The following POLR2B variants were observed in gnomAD, a reference collection of about 807,000 sequenced individuals.
POLR2B encodes RNA polymerase II subunit B.
A neutral mutation model predicts 144.6 loss-of-function variants in POLR2B; 57 were observed. The ratio of observed to expected loss-of-function variants is 0.39; its 90% confidence interval spans 0.32 to 0.49. POLR2B has a LOEUF of 0.49. POLR2B is among the 20% of genes least tolerant of loss of function. The probability of loss-of-function intolerance (pLI) is 0.83; values close to 1 mark genes in which losing one functional copy is unlikely to be tolerated. For synonymous variants in POLR2B, 442 were observed against 469.8 expected (o/e 0.94, Z 0.77); for missense variants, 595 against 1,467.4 (o/e 0.41, Z 9.71).
chr4:57,013,830 G>A (rs1723278543), intron 13 of POLR2B, among the ~76,000 whole-genome samples: 1 of 151,956 alleles, frequency 6.6e-6, no homozygotes, highest in African/African-American at 2.4e-5. Flanking sequence ...TAGAGTGGTC[G>A]GGTGTGGTGG....
intron 14 of POLR2B, among the ~76,000 whole-genome samples, chr4:57,016,746 A>T (rs940313753): frequency 1.3e-5 from 2 of 150,070 alleles, no homozygotes; most frequent in Admixed American, 6.7e-5. Flanking sequence ...TGATAAATTT[A>T]AAAAATTGCC....
intron 14 of POLR2B, among the ~76,000 whole-genome samples, chr4:57,016,426 C>T (rs1487398294): frequency 1.3e-5 from 2 of 151,656 alleles, no homozygotes; most frequent in African/African-American, 4.8e-5. Flanking sequence ...AATGCACCTG[C>T]AGTCCAGCTA....
chr4:56,986,212 A>G (rs772502965), intron 1 of POLR2B, 142 bp from the exon 2 acceptor site: 2 of 739,304 alleles, frequency 2.7e-6, no homozygotes, highest in Admixed American at 3.6e-5. Flanking sequence ...TATTAATGTA[A>G]TTGAAATTTT....
rs185358178 is a variant in POLR2B, at chr4:56,986,039, C to G, written c.20-315C>G. Among the ~76,000 whole-genome samples the G allele has an allele frequency of 2.6e-5, 4 of 152,334 alleles. No individual in the cohort carries two copies. The East Asian group carries it at 7.7e-4, about 29-fold the overall frequency. On this transcript the variant is annotated intron_variant, in intron 1 of 24. Transcript: ENST00000314595. ...GTATTGCCCAGTTGTTGGAATCCTT[C>G]CATGGCTCTGCCCCCTTACCCTGTT... is the stretch of plus-strand genomic sequence containing the variant.
chr4:57,029,310 A>C (rs1042204286), intron 23 of POLR2B, among the ~76,000 whole-genome samples: 18 of 152,150 alleles, frequency 1.2e-4, no homozygotes, highest in African/African-American at 4.3e-4. Context: ...CTACTTCTAA[A>C]ACTTTGTTTC....
Position 57,030,386 on chromosome 4 carries a change from G to T in POLR2B, c.3422G>T (p.Arg1141Leu), listed in dbSNP as rs1393017567. The T allele has an allele frequency of 1.2e-6, 2 of 1,609,968 alleles. No individual in the cohort carries two copies. Among genetic ancestry groups the T allele is most frequent in the East Asian group, 2.2e-5 (1 of 44,806 alleles). ...RTHTYECRGC[R>L]NKTQISLVRM... Reference sequence around the variant, plus strand: ...CATACATATGAATGCAGGGGCTGCCGCAATAAAACCCAGGTGTGTATAGAC... The same window carrying T: ...CATACATATGAATGCAGGGGCTGCCTCAATAAAACCCAGGTGTGTATAGAC... Residue 1141 changes from arginine (R) to leucine (L), a missense_variant, in exon 24 of 25, where the codon CGC becomes CTC. Coordinates refer to ENST00000314595, the MANE Select transcript of POLR2B (RefSeq NM_000938.3).
chr4:57,029,626 T>C (rs1723845035), intron 23 of POLR2B, among the ~76,000 whole-genome samples: 1 of 152,252 alleles, frequency 6.6e-6, no homozygotes. Flanking sequence ...ATCATTTACC[T>C]GTTCTTTCCA....
At chr4:56,985,377 G>A (rs908953803) in intron 1 of POLR2B, 4 of 985,092 alleles carry the variant, frequency 4.1e-6, no homozygotes, top group East Asian at 2.3e-4. Flanking sequence ...CGCGAGGGAC[G>A]GGCGGCGGGC....
At chr4:57,009,326 G>C (rs1349311904) in intron 10 of POLR2B, among the ~76,000 whole-genome samples, 1 of 152,164 alleles carries the variant, frequency 6.6e-6, no homozygotes, top group Non-Finnish European at 1.5e-5. Context: ...AGGCTTGGAG[G>C]TGAGGGTGTA....
At chr4:57,011,411 G>A (rs1393237883) in intron 13 of POLR2B, among the ~76,000 whole-genome samples, 2 of 152,060 alleles carry the variant, frequency 1.3e-5, no homozygotes, top group African/African-American at 2.4e-5. Context: ...GCCTGTAATC[G>A]CAGCTACTCG....
chr4:56,990,259 G>T (rs749312536), intron 2 of POLR2B, among the ~76,000 whole-genome samples: 2 of 151,468 alleles, frequency 1.3e-5, no homozygotes, highest in African/African-American at 4.9e-5. Context: ...ATAGGGTTTC[G>T]CTGTCTCCTA....
chr4:56,983,104 T>C (rs1195265334), intron 1 of POLR2B, among the ~76,000 whole-genome samples: 4 of 152,182 alleles, frequency 2.6e-5, no homozygotes, highest in Non-Finnish European at 5.9e-5. Context: ...CTTTCAGAAA[T>C]GAAAATCTGA....
At chr4:56,999,213 T>C (rs1430351831) in intron 6 of POLR2B, among the ~76,000 whole-genome samples, 2 of 1,860 alleles carry the variant, frequency 1.1e-3, no homozygotes, top group Admixed American at 0.012. Flanking sequence ...GTATTGTCTC[T>C]TTTTTTTTTT....
rs1446628046 is a variant in POLR2B at position 57,004,351 on chromosome 4, T to C, written c.901-895T>C. ...GGCATGAGCCTCCATTCCCAGCAAA[T>C]CTTTTTTTTTTTTTTTTTTTACATC... On this transcript the variant is annotated intron_variant, in intron 7 of 24. Coordinates refer to ENST00000314595, the MANE Select transcript of POLR2B (RefSeq NM_000938.3). 3.1e-4 allele frequency among the ~76,000 whole-genome samples: 17 copies of C among 55,652 alleles called. No homozygotes were observed. The East Asian group carries it at 0.012, about 38-fold the overall frequency. 36.5% of individuals were successfully genotyped at this position (55,652 alleles called of 152,430 possible).
At chr4:56,989,134 A>G (rs1020895374) in intron 2 of POLR2B, among the ~76,000 whole-genome samples, 2 of 152,220 alleles carry the variant, frequency 1.3e-5, no homozygotes, top group Non-Finnish European at 2.9e-5. Flanking sequence ...CAGAGTAGAG[A>G]TCATAAATAT....
intron 3 of POLR2B, 135 bp from the exon 4 acceptor site, chr4:56,994,269 T>TTTGGG: frequency 1.7e-6 from 1 of 597,134 alleles, no homozygotes; most frequent in Admixed American, 3.0e-5. Flanking sequence ...AGTCCCCATT[T>TTTGGG]CAGTAAAATG....
intron 6 of POLR2B, among the ~76,000 whole-genome samples, chr4:56,999,212 C>CTT (rs34081589): frequency 2.4e-5 from 3 of 124,794 alleles, no homozygotes; most frequent in Non-Finnish European, 5.0e-5. Flanking sequence ...TGTATTGTCT[C>CTT]TTTTTTTTTT....
chr4:57,016,066 G>A (rs557960147), intron 14 of POLR2B, among the ~76,000 whole-genome samples: 2 of 152,116 alleles, frequency 1.3e-5, no homozygotes, highest in East Asian at 1.9e-4. Context: ...GCAAGTTAAC[G>A]ATTTTTAAAA....
At chr4:57,014,843 A>G (rs1030457244) in intron 13 of POLR2B, among the ~76,000 whole-genome samples, 4 of 152,140 alleles carry the variant, frequency 2.6e-5, no homozygotes, top group African/African-American at 9.7e-5. Context: ...ATCCCAAAGT[A>G]TTACATCAAC....
Sources: allele counts gnomAD v4.1 joint callset (sites outside exome capture counted in the v4.1 genomes callset), GRCh38; gene constraint gnomAD v4.1.1; transcripts MANE v1.5; gene names NCBI Gene and HGNC (gene_info 2026-07-23, HGNC 2026-07-21).